Variants in IGHMBP2 observed in about 807,000 individuals in gnomAD.
IGHMBP2 encodes the protein DNA-binding protein SMUBP-2.
A neutral mutation model predicts 96.0 loss-of-function variants in IGHMBP2; 81 were observed. That is an observed-to-expected ratio of 0.84 (90% CI 0.71 to 1.01). The LOEUF (loss-of-function observed/expected upper bound fraction) is 1.01, where lower values mean the gene tolerates loss of function less well. Among genes scored for constraint, IGHMBP2 ranks in the 50% least tolerant of loss-of-function variants. The pLI is 0.00. For synonymous variants in IGHMBP2, 557 were observed against 548.9 expected (o/e 1.01, Z -0.21); for missense variants, 1,227 against 1,306.3 (o/e 0.94, Z 0.94).
chr11:68,938,904 A>G (rs1276252785), intron 14 of IGHMBP2, among the ~76,000 whole-genome samples: 3 of 152,154 alleles, frequency 2.0e-5, no homozygotes, highest in Non-Finnish European at 4.4e-5. Context: ...ACCCAGGGCC[A>G]GGGTGGCAGC....
intron 10 of IGHMBP2, 198 bp from the exon 11 acceptor site, chr11:68,934,266 T>C (rs1269369564): frequency 3.0e-6 from 2 of 662,306 alleles, no homozygotes; most frequent in African/African-American, 3.5e-5. Flanking sequence ...AAGGCCTTCA[T>C]TGCTGATGTG....
intron 5 of IGHMBP2, among the ~76,000 whole-genome samples, chr11:68,913,061 AAAAAAAAC>A (rs1458400411): frequency 2.7e-5 from 4 of 149,252 alleles, no homozygotes; most frequent in Admixed American, 6.7e-5. Flanking sequence ...AAAAAAAAAA[AAAAAAAAC>A]CAAAAAAACC....
rs753653938 is a variant in IGHMBP2, at chr11:68,917,726, T to C, written c.913-10T>C. On this transcript the variant is annotated splice_polypyrimidine_tract_variant and intron_variant, in intron 6 of 14. Transcript: ENST00000255078. ...TGAAGTAAGTGTATCTCCTTTGTTT[T>C]TCTTTATAGGTGAAAAACAAAAAGA... The C allele has an allele frequency of 1.1e-5, 17 of 1,607,774 alleles. No individual in the cohort carries two copies. The highest frequency in any genetic ancestry group is 2.2e-5 in the South Asian group (2 of 90,914).
chr11:68,915,892 G>A (rs950216586), intron 6 of IGHMBP2, among the ~76,000 whole-genome samples: 2 of 151,972 alleles, frequency 1.3e-5, no homozygotes, highest in African/African-American at 2.4e-5. Context: ...AACATTTTCC[G>A]GCCGGATACA....
At chr11:68,937,202 C>A (rs533560423) in intron 13 of IGHMBP2, 111 bp downstream of exon 13, 20 of 1,331,310 alleles carry the variant, frequency 1.5e-5, no homozygotes, top group East Asian at 2.3e-5. Context: ...CTGGTGGCAC[C>A]GTGCCCGTGT....
chr11:68,915,327 G>A (rs1356092082), intron 6 of IGHMBP2, among the ~76,000 whole-genome samples: 1 of 151,528 alleles, frequency 6.6e-6, no homozygotes, highest in Non-Finnish European at 1.5e-5. Context: ...CTGCAGGTGC[G>A]TGTCACCACG....
chr11:68,903,944 G>C lies in IGHMBP2; in HGVS notation c.-9G>C. ...CGTCGGCTTCTAGGGGCCCAGGCCG[G>C]CGGCGGCGATGGCCTCGGCAGCTGT... On this transcript the variant is annotated 5_prime_UTR_variant, in exon 1 of 15. Coordinates refer to ENST00000255078, the MANE Select transcript of IGHMBP2 (RefSeq NM_002180.3). The C allele has an allele frequency of 6.3e-7, 1 of 1,579,972 alleles. No individual in the cohort carries two copies. Among genetic ancestry groups the C allele is most frequent in the South Asian group, 1.1e-5 (1 of 88,032 alleles).
intron 6 of IGHMBP2, among the ~76,000 whole-genome samples, chr11:68,916,713 T>C (rs928601799): frequency 9.2e-5 from 14 of 152,042 alleles, no homozygotes; most frequent in African/African-American, 2.9e-4. Flanking sequence ...GCTGCTTGCG[T>C]GGCTGCTTGC....
At chr11:68,922,072 G>A (rs910633787) in intron 7 of IGHMBP2, among the ~76,000 whole-genome samples, 3 of 152,106 alleles carry the variant, frequency 2.0e-5, no homozygotes, top group South Asian at 2.1e-4. Context: ...GCTCATGCCT[G>A]TAATCTCAGC....
At chr11:68,923,283 A>G (rs1392784023) in intron 7 of IGHMBP2, among the ~76,000 whole-genome samples, 2 of 151,910 alleles carry the variant, frequency 1.3e-5, no homozygotes, top group South Asian at 2.1e-4. Context: ...GCTCACTGCA[A>G]CCTCTGCCTC....
Position 68,903,891 on chromosome 11 carries a change from G to A in IGHMBP2, c.-62G>A, listed in dbSNP as rs1858057168. The A allele has an allele frequency of 6.2e-7, 1 of 1,608,618 alleles. No homozygotes were observed. Among genetic ancestry groups the A allele is most frequent in the Middle Eastern group, 1.7e-4 (1 of 6,034 alleles). On this transcript the variant is annotated 5_prime_UTR_variant, in exon 1 of 15. Transcript: ENST00000255078. Reference sequence around the variant, plus strand: ...GCCCGGCGGGGAACACCGGTCCGCTGTAACACCGGCCCGGCGCAGAAGCGG... The same window carrying A: ...GCCCGGCGGGGAACACCGGTCCGCTATAACACCGGCCCGGCGCAGAAGCGG...
At chr11:68,922,925 G>C (rs554218095) in intron 7 of IGHMBP2, among the ~76,000 whole-genome samples, 1 of 152,260 alleles carries the variant, frequency 6.6e-6, no homozygotes, top group Admixed American at 6.5e-5. Flanking sequence ...CTGACATCCA[G>C]AAATAAGAGT....
intron 4 of IGHMBP2, among the ~76,000 whole-genome samples, chr11:68,909,996 C>T (rs1168809752): frequency 6.6e-6 from 1 of 152,202 alleles, no homozygotes; most frequent in Non-Finnish European, 1.5e-5. Context: ...TTTGTTGTCT[C>T]ATCCAGTCAC....
At chr11:68,912,512 G>C (rs1350317767) in intron 5 of IGHMBP2, among the ~76,000 whole-genome samples, 1 of 69,556 alleles carries the variant, frequency 1.4e-5, no homozygotes, top group Non-Finnish European at 4.0e-5. Context: ...GGCACATGGA[G>C]AGTTTTTTTT....
In IGHMBP2 at chr11:68,939,977, C is replaced by T. The variant is rs1220995482; in HGVS notation, c.*246C>T. On this transcript the variant is annotated 3_prime_UTR_variant, in exon 15 of 15. Transcript: ENST00000255078. ...AGGTGGGGCTTGGGAAATGCACGTC[C>T]CTTCCCCTTACTCCCCGCCAAAACC... The T allele has an allele frequency of 1.8e-6, 1 of 557,588 alleles. No homozygotes were observed. The highest frequency in any genetic ancestry group is 3.2e-6 in the Non-Finnish European group (1 of 312,878). The allele number at this position is 557,588 out of a possible 1,614,324, so 34.5% of individuals were successfully genotyped here. A position where few individuals can be genotyped will look rare whatever the true frequency, so the allele number is the denominator to read the frequency against.
intron 10 of IGHMBP2, chr11:68,934,218 G>A: frequency 1.6e-6 from 1 of 624,578 alleles, no homozygotes; most frequent in Non-Finnish European, 2.9e-6. Flanking sequence ...CATCTCCCCA[G>A]TTCCACGTTG....
intron 14 of IGHMBP2, among the ~76,000 whole-genome samples, chr11:68,938,708 C>T (rs992042135): frequency 1.3e-5 from 2 of 152,130 alleles, no homozygotes; most frequent in South Asian, 2.1e-4. Flanking sequence ...GGCCATGGCC[C>T]GGCTGCTGTG....
chr11:68,904,164 A>G (rs1858078699), intron 1 of IGHMBP2, 126 bp downstream of exon 1: 9 of 807,338 alleles, frequency 1.1e-5, no homozygotes, highest in South Asian at 8.9e-5. Context: ...AGTCAGGGGC[A>G]GGGATCGTCC....
intron 8 of IGHMBP2, 134 bp downstream of exon 8, chr11:68,929,491 G>A (rs1312055136): frequency 1.7e-5 from 14 of 839,828 alleles, no homozygotes; most frequent in Admixed American, 2.6e-5. Flanking sequence ...CTCCTACCCC[G>A]TCTTACAGCA....
Sources: allele counts gnomAD v4.1 joint callset (sites outside exome capture counted in the v4.1 genomes callset), GRCh38; gene constraint gnomAD v4.1.1; transcripts MANE v1.5; gene names NCBI Gene and HGNC (gene_info 2026-07-23, HGNC 2026-07-21).